IYD: variants seen among roughly 807,000 people sequenced by gnomAD.
IYD encodes the protein iodotyrosine deiodinase 1.
IYD carries 25 observed loss-of-function variants against 28.4 expected under a neutral mutation model. That is an observed-to-expected ratio of 0.88 (90% CI 0.64 to 1.23). IYD has a LOEUF of 1.23. Ranked by LOEUF, IYD falls within the 50% of genes most tolerant of loss-of-function variation. The pLI is 0.00. For synonymous variants in IYD, 140 were observed against 130.8 expected, an observed-to-expected ratio of 1.07 and a Z score of -0.48; for missense variants, 352 against 357.9, an observed-to-expected ratio of 0.98 and a Z score of 0.13.
intron 2 of IYD, among the ~76,000 whole-genome samples, chr6:150,391,660 A>G (rs533130600): frequency 5.8e-4 from 88 of 152,272 alleles, no homozygotes; most frequent in African/African-American, 1.9e-3. Flanking sequence ...ACTGCCAGGC[A>G]TTTGTTTTCC....
intron 2 of IYD, 135 bp from the exon 3 acceptor site, chr6:150,392,210 A>T: frequency 1.4e-6 from 2 of 1,401,838 alleles, no homozygotes; most frequent in Admixed American, 1.9e-5. Flanking sequence ...AAAAAAAAAA[A>T]TCTGCAAAAT....
intron 4 of IYD, chr6:150,397,006 T>G (rs1267977008): frequency 6.6e-6 from 1 of 152,370 alleles, no homozygotes; most frequent in Non-Finnish European, 1.5e-5. Context: ...GGTTTTTTGA[T>G]GCATGTATTC....
intron 1 of IYD, among the ~76,000 whole-genome samples, chr6:150,378,228 T>G (rs1404758061): frequency 6.6e-6 from 1 of 151,328 alleles, no homozygotes; most frequent in Non-Finnish European, 1.5e-5. Context: ...GTGCACAATG[T>G]GCAGGTTAGT....
intron 4 of IYD, chr6:150,396,389 A>G: frequency 1.6e-6 from 1 of 636,268 alleles, no homozygotes; most frequent in Non-Finnish European, 2.8e-6. Context: ...GAGAGAGTGA[A>G]AGATAAAATA....
At chr6:150,379,582 G>C (rs1169221595) in intron 1 of IYD, among the ~76,000 whole-genome samples, 1 of 152,176 alleles carries the variant, frequency 6.6e-6, no homozygotes, top group East Asian at 1.9e-4. Context: ...TTGCTGCTTT[G>C]TTTAAATATA....
chr6:150,395,920 A>C, intron 4 of IYD: 1 of 494,958 alleles, frequency 2.0e-6, no homozygotes, highest in Non-Finnish European at 3.6e-6. Flanking sequence ...TGAGTCCCCT[A>C]TCAACGGGCA....
chr6:150,402,861 A>G lies in IYD; in HGVS notation c.*4624A>G, dbSNP rs960214160. ...TATTGGGGGTAAATAGTTATTGCAC[A>G]TTTGCTCAAACCCCAGCAAAGTGCA... On this transcript the variant is annotated 3_prime_UTR_variant, in exon 5 of 5. Coordinates refer to ENST00000344419, the MANE Select transcript of IYD (RefSeq NM_203395.3). 1.3e-5 allele frequency: 2 copies of G among 152,208 alleles called. No individual in the cohort carries two copies. Among genetic ancestry groups the G allele is most frequent in the African/African-American group, 4.8e-5 (2 of 41,450 alleles). The allele number at this position is 152,208 out of a possible 1,614,324, so 9.4% of individuals were successfully genotyped here. A position where few individuals can be genotyped will look rare whatever the true frequency, so the allele number is the denominator to read the frequency against.
intron 1 of IYD, among the ~76,000 whole-genome samples, chr6:150,381,082 A>G (rs558757455): frequency 1.2e-4 from 19 of 152,346 alleles, no homozygotes; most frequent in Admixed American, 7.2e-4. Context: ...TCCACAAATG[A>G]TGCTACTTTG....
intron 1 of IYD, among the ~76,000 whole-genome samples, chr6:150,372,976 T>G (rs1025757120): frequency 1.3e-5 from 2 of 152,096 alleles, no homozygotes; most frequent in Non-Finnish European, 2.9e-5. Context: ...TACCCACAAA[T>G]CCTCTAGTTA....
At chr6:150,393,093 C>A (rs569000226) in intron 3 of IYD, among the ~76,000 whole-genome samples, 1 of 152,126 alleles carries the variant, frequency 6.6e-6, no homozygotes, top group South Asian at 2.1e-4. Flanking sequence ...AGTGGCTCCT[C>A]TGTGTTGATA....
At chr6:150,388,821 C>A (rs1476973616) in intron 1 of IYD, among the ~76,000 whole-genome samples, 5 of 151,342 alleles carry the variant, frequency 3.3e-5, no homozygotes, top group Non-Finnish European at 7.4e-5. Flanking sequence ...CATGCCTCAG[C>A]CTCCCAAGTA....
In IYD at chr6:150,395,622, G is replaced by T. The variant is rs768762764; in HGVS notation, c.687+1367G>T. ...TTGCCATTGAGTTTGCTGCCCCCTA[G>T]CTTTCATAAGGCATAATCCCGAGAG... On this transcript the variant is annotated intron_variant, in intron 4 of 4. Coordinates refer to ENST00000344419, the MANE Select transcript of IYD (RefSeq NM_203395.3). 12 of 1,347,366 alleles carry T rather than the reference G, an allele frequency of 8.9e-6. No individual in the cohort carries two copies. In the South Asian group the frequency reaches 1.5e-4, roughly 17 times the overall value. The allele number at this position is 1,347,366 out of a possible 1,614,324, so 83.5% of individuals were successfully genotyped here. A position where few individuals can be genotyped will look rare whatever the true frequency, so the allele number is the denominator to read the frequency against.
chr6:150,376,657 G>C (rs1238792508), intron 1 of IYD, among the ~76,000 whole-genome samples: 1 of 152,034 alleles, frequency 6.6e-6, no homozygotes, highest in Non-Finnish European at 1.5e-5. Context: ...ATGGGGTATT[G>C]CTTTGTTGCC....
intron 2 of IYD, 103 bp downstream of exon 2, chr6:150,389,646 G>C (rs1582793382): frequency 1.9e-6 from 2 of 1,036,760 alleles, no homozygotes; most frequent in East Asian, 4.8e-5. Context: ...ATAAAGCCTA[G>C]AGTGATATGT....
At chr6:150,375,441 A>T (rs376050992) in intron 1 of IYD, among the ~76,000 whole-genome samples, 1 of 152,196 alleles carries the variant, frequency 6.6e-6, no homozygotes, top group South Asian at 2.1e-4. Context: ...TCTGAAAAAC[A>T]TTTTAAGTAG....
At position 150,400,979 on chromosome 6, in the gene IYD, G is replaced by A. The variant is rs6933986; in HGVS notation, c.*2742G>A. On this transcript the variant is annotated 3_prime_UTR_variant, in exon 5 of 5. Transcript: ENST00000344419. ...GTTAGTGATGTGAGTGATGCCTGCT[G>A]AAGTACTGAGAGATGAAGCATCATA... The A allele has an allele frequency of 0.055, 8,421 of 152,286 alleles. 244 individuals carry two copies. Among genetic ancestry groups the A allele is most frequent in the Middle Eastern group, 0.061 (18 of 294 alleles). 9.4% of individuals were successfully genotyped at this position (152,286 alleles called of 1,614,324 possible).
intron 3 of IYD, 76 bp from the exon 4 acceptor site, chr6:150,394,023 C>T: frequency 7.5e-7 from 1 of 1,341,942 alleles, no homozygotes. Context: ...TTATTTTTAT[C>T]ATAAAGAAGC....
At chr6:150,390,759 A>G (rs1272084735) in intron 2 of IYD, among the ~76,000 whole-genome samples, 2 of 152,164 alleles carry the variant, frequency 1.3e-5, no homozygotes, top group Non-Finnish European at 2.9e-5. Flanking sequence ...CGACACCCAG[A>G]TCAGAAGCTG....
At chr6:150,377,120 T>G (rs1777472359) in intron 1 of IYD, among the ~76,000 whole-genome samples, 2 of 152,172 alleles carry the variant, frequency 1.3e-5, no homozygotes, top group Admixed American at 1.3e-4. Context: ...AGACCCCCAG[T>G]GCAAAGATAC....
Sources: gnomAD v4.1 joint callset for allele counts (sites outside exome capture counted in the v4.1 genomes callset) on GRCh38, gnomAD v4.1.1 for gene constraint, MANE v1.5 for transcripts, NCBI Gene and HGNC (gene_info 2026-07-23, HGNC 2026-07-21) for gene names.